RIN1: variants seen among roughly 807,000 people sequenced by gnomAD.
RIN1 encodes the protein Ras and Rab interactor 1, also known as ras inhibitor 1.
A neutral mutation model predicts 64.9 loss-of-function variants in RIN1; 52 were observed. That is an observed-to-expected ratio of 0.80 (90% CI 0.64 to 1.01). RIN1 has a LOEUF of 1.01. Ranked by LOEUF, RIN1 falls within the 50% of genes least tolerant of loss-of-function variation. RIN1 has a pLI of 0.00. For synonymous variants in RIN1, 486 were observed against 483.6 expected (o/e 1.00, Z -0.06); for missense variants, 1,040 against 1,064.5 (o/e 0.98, Z 0.32).
At chr11:66,336,525 T>C (rs1854910853), upstream of RIN1, 2 of 830,330 alleles carry the variant, frequency 2.4e-6, no homozygotes, top group African/African-American at 1.7e-5. Flanking sequence ...CTCTTGTGTG[T>C]CCACCCTGCC....
In RIN1 at chr11:66,334,084, C is replaced by T; in HGVS notation, c.1426G>A (p.Gly476Ser). ...AEGLRLARAQ[G>S]PGAFGSHLSL... Reference sequence around the variant, plus strand: ...AGGTGGGACCCGAAGGCTCCGGGGCCCTGGGCCCGGGCCAGGCGGAGGCCC... The same window carrying T: ...AGGTGGGACCCGAAGGCTCCGGGGCTCTGGGCCCGGGCCAGGCGGAGGCCC... The change falls in exon 7 of 10, where the codon GGC becomes AGC. Residue 476 changes from glycine to serine, a missense_variant. Gly to Ser is a moderately conservative substitution (Grantham distance 56). Coordinates refer to ENST00000311320, the MANE Select transcript of RIN1 (RefSeq NM_004292.3). The T allele has an allele frequency of 1.3e-6, 2 of 1,565,458 alleles. No homozygotes were observed. Among genetic ancestry groups the T allele is most frequent in the Non-Finnish European group, 1.7e-6 (2 of 1,155,582 alleles).
intron 8 of RIN1, 27 bp from the exon 9 acceptor site, chr11:66,333,436 C>T: frequency 6.2e-7 from 1 of 1,604,082 alleles, no homozygotes; most frequent in Non-Finnish European, 8.5e-7. Context: ...AAGAACACGG[C>T]TCAGGCTGGG....
At chr11:66,336,589 C>G, upstream of RIN1, 1 of 591,354 alleles carries the variant, frequency 1.7e-6, no homozygotes, top group Non-Finnish European at 3.0e-6. Flanking sequence ...TCAGGGGTCC[C>G]CTCCATGCTA....
intron 6 of RIN1, 113 bp downstream of exon 6, chr11:66,334,401 A>G (rs989693822): frequency 2.1e-6 from 3 of 1,423,928 alleles, no homozygotes; most frequent in Non-Finnish European, 2.9e-6. Flanking sequence ...GAACAGTGGT[A>G]AGACAAGATG....
At position 66,335,389 on chromosome 11, in the gene RIN1, G is replaced by A; in HGVS notation, c.547+18C>T. 6.3e-7 allele frequency: 1 copy of A among 1,595,550 alleles called. No homozygotes were observed. The highest frequency in any genetic ancestry group is 8.6e-7 in the Non-Finnish European group (1 of 1,168,170). ...CTCAGCTTGTTCATCTGTGCAATGG[G>A]TGGCAGGAAGCCCTTACCAATGCCC... is the stretch of plus-strand genomic sequence containing the variant. On this transcript the variant is annotated intron_variant, in intron 5 of 9. Transcript: ENST00000311320.
Position 66,333,356 on chromosome 11 carries a change from C to T in RIN1, c.1777G>A (p.Gly593Ser). 6.2e-7 allele frequency: 1 copy of T among 1,612,828 alleles called. No homozygotes were observed. Among genetic ancestry groups the T allele is most frequent in the Non-Finnish European group, 8.5e-7 (1 of 1,179,592 alleles). The stretch of plus-strand genomic sequence containing the variant: ...CTCAGTGGGAGGGTGTGGGCCTGAC[C>T]CAGGCCACTCAGCAGGGCCAGGCTG... ...SASLALLSGL[G>S]QAHTLPLSPV... Residue 593 changes from glycine to serine, a missense_variant, in exon 9 of 10, where the codon GGT becomes AGT. Transcript: ENST00000311320.
chr11:66,334,177 G>A lies in RIN1; in HGVS notation c.1333C>T (p.Arg445Trp), dbSNP rs758835427. ...SLHCSVLKPL[R>W]PILAARLRRR... ...CGCAGGCGGGCTGCCAGGATGGGCC[G>A]GAGAGGCTTGAGCACAGAGCAATGC... is the stretch of plus-strand genomic sequence containing the variant. Residue 445 changes from arginine to tryptophan, a missense_variant, in exon 7 of 10, where the codon CGG becomes TGG. Coordinates refer to ENST00000311320, the MANE Select transcript of RIN1 (RefSeq NM_004292.3). The A allele has an allele frequency of 8.5e-6, 13 of 1,528,754 alleles. No homozygotes were observed. Among genetic ancestry groups the A allele is most frequent in the Middle Eastern group, 1.7e-4 (1 of 5,808 alleles). The allele number at this position is 1,528,754 out of a possible 1,614,324, so 94.7% of individuals were successfully genotyped here.
Position 66,335,217 on chromosome 11 carries a change from C to G in RIN1, c.582G>C (p.Gln194His). 1 of 1,572,786 alleles carries G rather than the reference C, an allele frequency of 6.4e-7. No homozygotes were observed. The highest frequency in any genetic ancestry group is 8.5e-7 in the Non-Finnish European group (1 of 1,170,550). The change falls in exon 6 of 10, where the codon CAG becomes CAC. Residue 194 changes from glutamine to histidine, a missense_variant. Physicochemically the swap from Gln to His is conservative, Grantham distance 24 (BLOSUM62 0). Transcript: ENST00000311320. Reference protein sequence around the residue: ...FWSSSLNIKAQRGPAGGPVLP... With the variant: ...FWSSSLNIKAHRGPAGGPVLP... The stretch of plus-strand genomic sequence containing the variant: ...ACACTGGGCCTCCAGCCGGGCCCCG[C>G]TGAGCCTTGATGTTGAGGGAGGAGC...
rs943828991 is a variant in RIN1, at chr11:66,330,402, A to T, written c.*1874T>A. ...GAGGGCGTGGAAGTGGGGAGGGAAG[A>T]GCTGCTGGTGGCCTAGTGACAAAAA... On this transcript the variant is annotated 3_prime_UTR_variant, in exon 10 of 10. Coordinates refer to ENST00000311320, the MANE Select transcript of RIN1 (RefSeq NM_004292.3). 6.7e-6 allele frequency: 1 copy of T among 148,592 alleles called. No homozygotes were observed. Among genetic ancestry groups the T allele is most frequent in the African/African-American group, 2.5e-5 (1 of 39,244 alleles). The allele number at this position is 148,592 out of a possible 1,614,324, so 9.2% of individuals were successfully genotyped here. A position where few individuals can be genotyped will look rare whatever the true frequency, so the allele number is the denominator to read the frequency against.
In RIN1 at chr11:66,333,763, C is replaced by T. The variant is rs539733437; in HGVS notation, c.1592-105G>A. On this transcript the variant is annotated intron_variant, in intron 7 of 9. Transcript: ENST00000311320. ...CCATTGAGGGGCTTCAGAAAGGATG[C>T]GCTCCTCTCTAGGCCTCAGTTTCGC... The T allele has an allele frequency of 2.7e-4, 398 of 1,464,954 alleles. 5 individuals carry two copies. In the South Asian group the frequency reaches 4.8e-3, roughly 18 times the overall value. The allele number at this position is 1,464,954 out of a possible 1,614,324, so 90.7% of individuals were successfully genotyped here.
chr11:66,336,031 G>T lies in RIN1; in HGVS notation c.214C>A (p.Leu72Met). Reference sequence around the variant, plus strand: ...AGTGCGGCCGCTGCGTTGGCTTGCAGCTGCAGCCACACGGGCCGGGTGAGC... The same window carrying T: ...AGTGCGGCCGCTGCGTTGGCTTGCATCTGCAGCCACACGGGCCGGGTGAGC... ...LLLTRPVWLQ[L>M]QANAAAALHM... The change falls in exon 2 of 10, where the codon CTG becomes ATG. Residue 72 changes from leucine to methionine, a missense_variant. Physicochemically the swap from Leu to Met is conservative, Grantham distance 15. Transcript: ENST00000311320. 1 of 1,468,970 alleles carries T rather than the reference G, an allele frequency of 6.8e-7. No individual in the cohort carries two copies. The highest frequency in any genetic ancestry group is 2.4e-5 in the East Asian group (1 of 41,204). The allele number at this position is 1,468,970 out of a possible 1,614,324, so 91.0% of individuals were successfully genotyped here.
rs747431060 is a variant in RIN1, at chr11:66,334,882, G to A, written c.917C>T (p.Pro306Leu). 5.8e-5 allele frequency: 91 copies of A among 1,570,062 alleles called. No individual in the cohort carries two copies. The Admixed American group carries it at 7.3e-4, about 13-fold the overall frequency. ...RVPAGSGPSL[P>L]PMPSLQEVDC... is the part of the protein sequence containing the mutation. ...CACCTCTTGGAGGGAGGGCATAGGC[G>A]GAAGGCTAGGGCCACTGCCTGCTGG... is the stretch of plus-strand genomic sequence containing the variant. Residue 306 changes from proline to leucine, a missense_variant, in exon 6 of 10, where the codon CCG (proline) becomes CTG (leucine). Coordinates refer to ENST00000311320, the MANE Select transcript of RIN1 (RefSeq NM_004292.3).
At position 66,334,555 on chromosome 11, in the gene RIN1, G is replaced by A. The variant is rs529128082; in HGVS notation, c.1244C>T (p.Ala415Val). The A allele has an allele frequency of 2.8e-5, 45 of 1,590,864 alleles. No homozygotes were observed. Among genetic ancestry groups the A allele is most frequent in the East Asian group, 1.1e-4 (5 of 44,092 alleles). ...CAGCAGCTTCTCAGGGCCCAGCTCCGCACTCAGCATGGCCCGGGCCCGGCT... is the reference window on the plus strand; with the variant it reads ...CAGCAGCTTCTCAGGGCCCAGCTCCACACTCAGCATGGCCCGGGCCCGGCT... ...ALSRARAMLSAELGPEKLLSP... is the reference protein window; with the variant it reads ...ALSRARAMLSVELGPEKLLSP... The change falls in exon 6 of 10, where the codon GCG becomes GTG. Residue 415 changes from alanine (A) to valine (V), a missense_variant. Transcript: ENST00000311320.
rs764662065 is a variant in RIN1 at position 66,332,591 on chromosome 11, C to CT, written c.2036dup (p.Tyr681LeufsTer28). 2 of 1,609,976 alleles carry CT rather than the reference C, an allele frequency of 1.2e-6. No homozygotes were observed. The highest frequency in any genetic ancestry group is 1.7e-6 in the Non-Finnish European group (2 of 1,177,536). Reference sequence around the variant, plus strand: ...CCCCAGGGGGCAGGCGGTGGTAGCCCTGCTCCTTGTACAGGAAGAGGCCAA... The same window carrying CT: ...CCCCAGGGGGCAGGCGGTGGTAGCCCTTGCTCCTTGTACAGGAAGAGGCCAA... On this transcript the variant is annotated frameshift_variant, in exon 10 of 10. Transcript: ENST00000311320. LOFTEE classifies it high-confidence loss of function.
intron 4 of RIN1, 24 bp downstream of exon 4, chr11:66,335,586 C>T (rs1191698798): frequency 1.2e-6 from 2 of 1,613,314 alleles, no homozygotes; most frequent in African/African-American, 2.7e-5. Flanking sequence ...CCGTGGACAC[C>T]AGGCACCCTG....
In RIN1 at chr11:66,334,950, A is replaced by G. The variant is rs1247316091; in HGVS notation, c.849T>C (p.Pro283=). The change falls in exon 6 of 10, where the codon CCT becomes CCC. Residue 283 remains proline, a synonymous_variant. Coordinates refer to ENST00000311320, the MANE Select transcript of RIN1 (RefSeq NM_004292.3). ...AGCTCTCCCTCCGTAGCAGCTGGCA[A>G]GGGGGCAGCCGCTCTGTCTGGCTGG... is the stretch of plus-strand genomic sequence containing the variant. The part of the protein sequence containing the change: ...AVPSQTERLP[P]CQLLRRESSV... 6.3e-6 allele frequency: 10 copies of G among 1,586,086 alleles called. No homozygotes were observed. Among genetic ancestry groups the G allele is most frequent in the Non-Finnish European group, 7.7e-6 (9 of 1,166,248 alleles).
chr11:66,334,377 G>C (rs1237367053), intron 6 of RIN1, 137 bp downstream of exon 6: 2 of 1,277,730 alleles, frequency 1.6e-6, no homozygotes, highest in African/African-American at 3.0e-5. Context: ...GGAGAGAGGG[G>C]ATGGAACTCT....
In RIN1 at chr11:66,335,668, C is replaced by T. The variant is rs529678609; in HGVS notation, c.397G>A (p.Gly133Ser). 3.1e-6 allele frequency: 5 copies of T among 1,613,538 alleles called. No homozygotes were observed. The East Asian group carries it at 8.9e-5, about 29-fold the overall frequency. ...AGGTCTGGGAACATGAGCTCCGAGCCCTCCAAGGAGACGCCTGAGAGAGGA... is the reference window on the plus strand; with the variant it reads ...AGGTCTGGGAACATGAGCTCCGAGCTCTCCAAGGAGACGCCTGAGAGAGGA... ...LESPGGVSLEGSELMFPDLVQ... is the reference protein window; with the variant it reads ...LESPGGVSLESSELMFPDLVQ... Residue 133 changes from glycine to serine, a missense_variant, in exon 4 of 10, where the codon GGC becomes AGC. Gly to Ser is a moderately conservative substitution (Grantham distance 56). Coordinates refer to ENST00000311320, the MANE Select transcript of RIN1 (RefSeq NM_004292.3).
At position 66,335,831 on chromosome 11, in the gene RIN1, ACAGGGCCTGGCACTGG is replaced by A; in HGVS notation, c.297_312del (p.Gln100AlafsTer37). 6.2e-7 allele frequency: 1 copy of A among 1,605,126 alleles called. No individual in the cohort carries two copies. ...CCACTGGCTTCAGGCAACCGCATGC[ACAGGGCCTGGCACTGG>A]CGGGTGTTAGATTTCCGCACGAGGA... On this transcript the variant is annotated frameshift_variant, in exon 3 of 10. Coordinates refer to ENST00000311320, the MANE Select transcript of RIN1 (RefSeq NM_004292.3). LOFTEE classifies it high-confidence loss of function.
Sources: allele counts gnomAD v4.1 joint callset, GRCh38; gene constraint gnomAD v4.1.1; transcripts MANE v1.5; gene names NCBI Gene and HGNC (gene_info 2026-07-23, HGNC 2026-07-21).